The following SUCLG2 variants were observed in gnomAD, a reference collection of about 807,000 sequenced individuals.
SUCLG2 encodes the protein succinate--CoA ligase [GDP-forming] subunit beta, mitochondrial.
SUCLG2 carries 42 observed loss-of-function variants against 47.9 expected under a neutral mutation model. That is an observed-to-expected ratio of 0.88 (90% CI 0.69 to 1.14). The LOEUF is 1.14. Among genes scored for constraint, SUCLG2 ranks in the 50% most tolerant of loss-of-function variants. The probability of loss-of-function intolerance (pLI) is 0.00; values close to 1 mark genes in which losing one functional copy is unlikely to be tolerated. For synonymous variants in SUCLG2, 195 were observed against 197.3 expected (o/e 0.99, Z 0.10); for missense variants, 571 against 525.9 (o/e 1.09, Z -0.84).
At chr3:67,627,284 C>A (rs1700849970) in intron 1 of SUCLG2, among the ~76,000 whole-genome samples, 1 of 152,156 alleles carries the variant, frequency 6.6e-6, no homozygotes, top group African/African-American at 2.4e-5. Flanking sequence ...GAATTAGTTA[C>A]TCCTTTGGGA....
intron 8 of SUCLG2, 97 bp from the exon 9 acceptor site, chr3:67,496,037 T>G: frequency 7.4e-6 from 11 of 1,477,746 alleles, no homozygotes; most frequent in Non-Finnish European, 1.0e-5. Context: ...GAGAGAACTC[T>G]GTCATTGCCA....
At chr3:67,405,010 A>C (rs931356430) in intron 9 of SUCLG2, among the ~76,000 whole-genome samples, 1 of 134,678 alleles carries the variant, frequency 7.4e-6, no homozygotes, top group Admixed American at 8.0e-5. Flanking sequence ...TGTTAGGTCT[A>C]TTTAAGTAAC....
chr3:67,482,504 T>G (rs890058596), intron 9 of SUCLG2, among the ~76,000 whole-genome samples: 2 of 152,218 alleles, frequency 1.3e-5, no homozygotes, highest in African/African-American at 4.8e-5. Context: ...TTCACCCTTC[T>G]TATTTGAATA....
At chr3:67,383,336 G>A (rs551580437) in intron 10 of SUCLG2, among the ~76,000 whole-genome samples, 1 of 152,282 alleles carries the variant, frequency 6.6e-6, no homozygotes, top group East Asian at 1.9e-4. Flanking sequence ...TTTAAACCCG[G>A]TTCTGTTCCC....
chr3:67,549,549 T>C (rs1304839582), intron 2 of SUCLG2, among the ~76,000 whole-genome samples: 1 of 152,232 alleles, frequency 6.6e-6, no homozygotes, highest in African/African-American at 2.4e-5. Context: ...TGGTTATCTA[T>C]AGGGAATAGG....
At chr3:67,423,173 C>T (rs1703213324) in intron 9 of SUCLG2, among the ~76,000 whole-genome samples, 1 of 152,092 alleles carries the variant, frequency 6.6e-6, no homozygotes, top group Non-Finnish European at 1.5e-5. Context: ...TTCCCCCATG[C>T]TGTTCGTGTG....
intron 7 of SUCLG2, among the ~76,000 whole-genome samples, chr3:67,499,725 T>C (rs994656313): frequency 6.6e-6 from 1 of 150,970 alleles, no homozygotes; most frequent in East Asian, 2.0e-4. Flanking sequence ...TGTTTGTTTA[T>C]TTATTTATTT....
chr3:67,653,060 G>A (rs1311181415), intron 1 of SUCLG2, among the ~76,000 whole-genome samples: 4 of 152,132 alleles, frequency 2.6e-5, no homozygotes, highest in South Asian at 2.1e-4. Context: ...CCTGTGTTGC[G>A]TTCAGCCTCT....
intron 6 of SUCLG2, among the ~76,000 whole-genome samples, chr3:67,514,912 A>T (rs1195168798): frequency 6.6e-6 from 1 of 152,204 alleles, no homozygotes; most frequent in Non-Finnish European, 1.5e-5. Flanking sequence ...CTGACCATTG[A>T]CATCATCTGT....
In SUCLG2 at chr3:67,609,395, C is replaced by T. The variant is rs1417422245; in HGVS notation, c.226+60G>A. The T allele has an allele frequency of 2.6e-6, 4 of 1,563,896 alleles. No individual in the cohort carries two copies. The East Asian group carries it at 9.0e-5, about 35-fold the overall frequency. Reference sequence around the variant, plus strand: ...CAAAAAAAATTAACTAGTGGGAAGCCACTACCTGTGAATTCACTGATTTGG... The same window carrying T: ...CAAAAAAAATTAACTAGTGGGAAGCTACTACCTGTGAATTCACTGATTTGG... On this transcript the variant is annotated intron_variant, in intron 2 of 10. Coordinates refer to ENST00000307227, the MANE Select transcript of SUCLG2 (RefSeq NM_003848.4).
chr3:67,398,276 CA>C (rs1183512435), intron 10 of SUCLG2, among the ~76,000 whole-genome samples: 3 of 150,604 alleles, frequency 2.0e-5, no homozygotes, highest in African/African-American at 7.3e-5. Flanking sequence ...ACTCATCTGA[CA>C]AAGGGCTAAT....
At chr3:67,654,437 G>C (rs923680929) in intron 1 of SUCLG2, 66 bp downstream of exon 1, 1 of 1,182,502 alleles carries the variant, frequency 8.5e-7, no homozygotes, top group Non-Finnish European at 1.1e-6. Flanking sequence ...GAGTAGCAGG[G>C]GGCGAGGGAA....
chr3:67,563,837 C>T (rs1707376789), intron 2 of SUCLG2, among the ~76,000 whole-genome samples: 2 of 151,282 alleles, frequency 1.3e-5, no homozygotes, highest in Non-Finnish European at 3.0e-5. Flanking sequence ...GGCAGGTGCC[C>T]GTAGTCCCAG....
chr3:67,423,102 T>C (rs1328207240), intron 9 of SUCLG2, among the ~76,000 whole-genome samples: 1 of 152,172 alleles, frequency 6.6e-6, no homozygotes, highest in Non-Finnish European at 1.5e-5. Context: ...CACCTTGCAC[T>C]GTAATAATGC....
intron 2 of SUCLG2, among the ~76,000 whole-genome samples, chr3:67,597,829 C>G (rs1708327812): frequency 6.6e-6 from 1 of 151,460 alleles, no homozygotes; most frequent in Admixed American, 6.6e-5. Flanking sequence ...TCCCAGCTAC[C>G]CCGGAGGCTG....
intron 2 of SUCLG2, among the ~76,000 whole-genome samples, chr3:67,548,158 G>T (rs1319267687): frequency 6.6e-6 from 1 of 152,180 alleles, no homozygotes; most frequent in African/African-American, 2.4e-5. Flanking sequence ...TTGAAGTTAA[G>T]GGAGTTTCCT....
chr3:67,481,726 A>G (rs1261495398), intron 9 of SUCLG2, among the ~76,000 whole-genome samples: 1 of 152,210 alleles, frequency 6.6e-6, no homozygotes, highest in African/African-American at 2.4e-5. Context: ...AAAAGACTAC[A>G]TCTGTCATTC....
At position 67,553,132 on chromosome 3, in the gene SUCLG2, C is replaced by T. The variant is rs112714717; in HGVS notation, c.227-23946G>A. Among the ~76,000 whole-genome samples, 404 of 152,302 alleles carry T rather than the reference C, an allele frequency of 2.7e-3. 3 individuals are homozygous for T. The highest frequency in any genetic ancestry group is 9.3e-3 in the African/African-American group (387 of 41,564). On this transcript the variant is annotated intron_variant, in intron 2 of 10. Coordinates refer to ENST00000307227, the MANE Select transcript of SUCLG2 (RefSeq NM_003848.4). ...AATGTTATCTTGCTGCCCAGGGCAT[C>T]GAGATCAGGTACTGAAGGCTGACAA...
chr3:67,434,288 G>T (rs983161206), intron 9 of SUCLG2, among the ~76,000 whole-genome samples: 2 of 152,204 alleles, frequency 1.3e-5, no homozygotes, highest in Admixed American at 1.3e-4. Context: ...CACTTCGTGA[G>T]GCCAAGGCGA....
Sources: allele counts gnomAD v4.1 joint callset (sites outside exome capture counted in the v4.1 genomes callset), GRCh38; gene constraint gnomAD v4.1.1; transcripts MANE v1.5; gene names NCBI Gene and HGNC (gene_info 2026-07-23, HGNC 2026-07-21).